Variants in NRXN1 observed in about 807,000 individuals in gnomAD.
NRXN1 encodes neurexin-1.
Under a neutral mutation model 150.9 loss-of-function variants are expected in NRXN1, and 39 were observed. The ratio of observed to expected loss-of-function variants is 0.26; its 90% confidence interval spans 0.20 to 0.34. NRXN1 has a LOEUF of 0.34. NRXN1 is among the 10% of genes least tolerant of loss of function. The probability of loss-of-function intolerance (pLI) is 1.00; values close to 1 mark genes in which losing one functional copy is unlikely to be tolerated. For missense variants in NRXN1, 1,815 were observed against 1,949.9 expected, an observed-to-expected ratio of 0.93 and a Z score of 1.30; for synonymous variants, 924 against 757.0, an observed-to-expected ratio of 1.22 and a Z score of -3.62.
chr2:50,591,267 GAA>G lies in NRXN1; in HGVS notation c.1320+28753_1320+28754del, dbSNP rs60581668. On this transcript the variant is annotated intron_variant, in intron 8 of 22. Coordinates refer to ENST00000401669, the MANE Select transcript of NRXN1 (RefSeq NM_001330078.2). ...TAAAATGTCTGATGACTCGACAAAG[GAA>G]AAAAAAAAATAGATACCTAACATAA... Among the ~76,000 whole-genome samples, 67 of 146,406 alleles carry G rather than the reference GAA, an allele frequency of 4.6e-4. 1 individual carries two copies. The East Asian group carries it at 0.011, about 23-fold the overall frequency.
intron 5 of NRXN1, among the ~76,000 whole-genome samples, chr2:50,846,579 A>G (rs1673687038): frequency 6.6e-6 from 1 of 152,222 alleles, no homozygotes; most frequent in Admixed American, 6.5e-5. Flanking sequence ...TTACACCATA[A>G]AAGGCATTCT....
At position 50,409,902 on chromosome 2, in the gene NRXN1, G is replaced by T. The variant is rs931583865; in HGVS notation, c.3364+55540C>A. On this transcript the variant is annotated intron_variant, in intron 17 of 22. Coordinates refer to ENST00000401669, the MANE Select transcript of NRXN1 (RefSeq NM_001330078.2). ...ACTCTTCAGTTAAAAAATAATCATC[G>T]TTCCTTCATTAGTTACAGGACAGAG... is the stretch of plus-strand genomic sequence containing the variant. 4.6e-5 allele frequency among the ~76,000 whole-genome samples: 7 copies of T among 151,990 alleles called. 2 individuals carry two copies. The South Asian group carries it at 1.5e-3, about 32-fold the overall frequency.
At chr2:50,861,592 G>C (rs780902960) in intron 5 of NRXN1, among the ~76,000 whole-genome samples, 1 of 152,024 alleles carries the variant, frequency 6.6e-6, no homozygotes, top group Non-Finnish European at 1.5e-5. Flanking sequence ...ATAACCAGAG[G>C]AGCGTTTAGT....
intron 17 of NRXN1, among the ~76,000 whole-genome samples, chr2:50,294,189 A>C (rs955411134): frequency 6.6e-6 from 1 of 152,226 alleles, no homozygotes; most frequent in Non-Finnish European, 1.5e-5. Flanking sequence ...GGAGTAAAAT[A>C]AAGTAAGAGC....
chr2:50,637,033 A>G (rs556485220), intron 5 of NRXN1, among the ~76,000 whole-genome samples: 1 of 152,296 alleles, frequency 6.6e-6, no homozygotes, highest in South Asian at 2.1e-4. Context: ...TAGAGCCCAT[A>G]ATTTGAAATT....
At chr2:50,129,539 A>C (rs114259134) in intron 18 of NRXN1, among the ~76,000 whole-genome samples, 1 of 152,202 alleles carries the variant, frequency 6.6e-6, no homozygotes, top group African/African-American at 2.4e-5. Context: ...CAAGTTAAAG[A>C]AATTTTATTT....
At chr2:50,456,225 C>G (rs1367467809) in intron 17 of NRXN1, among the ~76,000 whole-genome samples, 1 of 152,050 alleles carries the variant, frequency 6.6e-6, no homozygotes, top group Non-Finnish European at 1.5e-5. Flanking sequence ...GAAACTTGTT[C>G]CATTCTGAAA....
chr2:49,940,048 G>A (rs754052444), intron 22 of NRXN1, among the ~76,000 whole-genome samples: 5 of 151,996 alleles, frequency 3.3e-5, no homozygotes, highest in African/African-American at 1.2e-4. Context: ...ACAGCTTTAG[G>A]AAGGTACCTA....
chr2:50,572,461 T>C (rs1670801446), intron 8 of NRXN1, among the ~76,000 whole-genome samples: 1 of 152,186 alleles, frequency 6.6e-6, no homozygotes, highest in African/African-American at 2.4e-5. Context: ...ATTTAGCCCA[T>C]CTAATATATG....
At chr2:50,820,901 T>C (rs1346671008) in intron 5 of NRXN1, among the ~76,000 whole-genome samples, 1 of 152,142 alleles carries the variant, frequency 6.6e-6, no homozygotes, top group Non-Finnish European at 1.5e-5. Flanking sequence ...ATGGAGAGGA[T>C]AGGGATAAAC....
At chr2:50,818,422 T>G (rs1416003632) in intron 5 of NRXN1, among the ~76,000 whole-genome samples, 1 of 151,958 alleles carries the variant, frequency 6.6e-6, no homozygotes, top group East Asian at 1.9e-4. Context: ...TTATTATTTT[T>G]GTTGATATTA....
At chr2:50,974,892 T>C (rs1269995805) in intron 2 of NRXN1, among the ~76,000 whole-genome samples, 1 of 152,030 alleles carries the variant, frequency 6.6e-6, no homozygotes, top group Non-Finnish European at 1.5e-5. Flanking sequence ...AAAATGTACT[T>C]GTATTTTCCA....
chr2:50,116,754 T>G (rs144381288), intron 18 of NRXN1, among the ~76,000 whole-genome samples: 6 of 152,208 alleles, frequency 3.9e-5, no homozygotes, highest in Non-Finnish European at 5.9e-5. Flanking sequence ...CAAATCAAGT[T>G]AACATTTAAA....
At chr2:50,447,740 TATATATATATATATATATATATATATA>T (rs2086572702) in intron 17 of NRXN1, among the ~76,000 whole-genome samples, 19 of 81,136 alleles carry the variant, frequency 2.3e-4, no homozygotes, top group African/African-American at 1.1e-3. Context: ...GGGAACGTTA[TATATATATATATATATATATATATATA>T]TATATATATA....
intron 18 of NRXN1, among the ~76,000 whole-genome samples, chr2:50,092,456 T>C (rs550752394): frequency 6.6e-6 from 1 of 152,176 alleles, no homozygotes. Context: ...TCAGAACACA[T>C]AACCTCAAAC....
rs184918250 is a variant in NRXN1 at position 50,378,913 on chromosome 2, A to T, written c.3364+86529T>A. Reference sequence around the variant, plus strand: ...GTTGCCGGACTTTTCTCTCACTTACATAATTTTGAAATAATTTGTGGAATC... The same window carrying T: ...GTTGCCGGACTTTTCTCTCACTTACTTAATTTTGAAATAATTTGTGGAATC... On this transcript the variant is annotated intron_variant, in intron 17 of 22. Coordinates refer to ENST00000401669, the MANE Select transcript of NRXN1 (RefSeq NM_001330078.2). Among the ~76,000 whole-genome samples the T allele has an allele frequency of 6.6e-3, 1,005 of 152,266 alleles. 11 individuals carry two copies. Among genetic ancestry groups the T allele is most frequent in the South Asian group, 0.057 (275 of 4,824 alleles).
chr2:50,399,381 A>T (rs1394122041), intron 17 of NRXN1, among the ~76,000 whole-genome samples: 1 of 152,108 alleles, frequency 6.6e-6, no homozygotes. Context: ...GTTAGAGGGT[A>T]ACACATTTTC....
At chr2:50,483,287 A>G (rs2090615774) in intron 15 of NRXN1, among the ~76,000 whole-genome samples, 1 of 152,058 alleles carries the variant, frequency 6.6e-6, no homozygotes, top group Non-Finnish European at 1.5e-5. Flanking sequence ...TTTCCCACTC[A>G]TTTTCTGGAA....
intron 19 of NRXN1, among the ~76,000 whole-genome samples, chr2:50,086,145 T>C (rs566670279): frequency 2.0e-5 from 3 of 152,302 alleles, no homozygotes; most frequent in African/African-American, 4.8e-5. Flanking sequence ...TTTAATTACA[T>C]GATACTTTGA....
Sources: allele counts gnomAD v4.1 joint callset (sites outside exome capture counted in the v4.1 genomes callset), GRCh38; gene constraint gnomAD v4.1.1; transcripts MANE v1.5; gene names NCBI Gene and HGNC (gene_info 2026-07-23, HGNC 2026-07-21).